Variants in PLPP1 observed in about 807,000 individuals in gnomAD.
PLPP1 encodes phospholipid phosphatase 1.
PLPP1 carries 24 observed loss-of-function variants against 31.2 expected under a neutral mutation model. The observed-to-expected ratio is 0.77, with a 90% confidence interval of 0.56 to 1.08. The LOEUF is 1.08. PLPP1 is among the 50% of genes least tolerant of loss of function. PLPP1 has a pLI of 0.00. For synonymous variants in PLPP1, 146 were observed against 126.3 expected, an observed-to-expected ratio of 1.16 and a Z score of -1.05; for missense variants, 319 against 342.7, an observed-to-expected ratio of 0.93 and a Z score of 0.55.
intron 1 of PLPP1, among the ~76,000 whole-genome samples, chr5:55,511,279 T>C (rs1561252487): frequency 6.6e-6 from 1 of 152,170 alleles, no homozygotes; most frequent in Admixed American, 6.5e-5. Context: ...AACCCAAGGT[T>C]TGCCAAAGTT....
At chr5:55,500,068 T>C (rs1203398282) in intron 1 of PLPP1, among the ~76,000 whole-genome samples, 1 of 137,008 alleles carries the variant, frequency 7.3e-6, no homozygotes, top group Non-Finnish European at 1.5e-5. Context: ...TAATTTGATT[T>C]CTCTAAAAAT....
chr5:55,467,958 A>G lies in PLPP1; in HGVS notation c.402T>C (p.Cys134=). The G allele has an allele frequency of 6.2e-7, 1 of 1,614,206 alleles. No homozygotes were observed. Among genetic ancestry groups the G allele is most frequent in the Non-Finnish European group, 8.5e-7 (1 of 1,180,014 alleles). Residue 134 remains cysteine, a synonymous_variant, in exon 3 of 6, where the codon TGT becomes TGC. Coordinates refer to ENST00000307259, the MANE Select transcript of PLPP1 (RefSeq NM_003711.4). ...GRLRPHFLDV[C]DPDWSKINCS... is the part of the protein sequence containing the mutation. ...AGTTGATTTTTGACCAATCTGGATC[A>G]CAAACATCCAAGAAGTGAGGCCGCA...
intron 3 of PLPP1, 90 bp from the exon 4 acceptor site, chr5:55,441,998 G>A (rs768528802): frequency 1.3e-4 from 164 of 1,229,362 alleles, no homozygotes; most frequent in South Asian, 5.9e-4. Context: ...GTTTCAGAGT[G>A]TACACAACTG....
intron 1 of PLPP1, among the ~76,000 whole-genome samples, chr5:55,483,448 G>T (rs1752711147): frequency 6.6e-6 from 1 of 152,194 alleles, no homozygotes; most frequent in Admixed American, 6.5e-5. Flanking sequence ...GAGGTGGGCA[G>T]ATCACATGAG....
At position 55,425,065 on chromosome 5, in the gene PLPP1, A is replaced by G. The variant is rs1211768804; in HGVS notation, c.*141T>C. ...GAGTTAAAGGTAACTATGTACACACAAAGTGTGCATCCAAGAGGCATAGCA... is the reference window on the plus strand; with the variant it reads ...GAGTTAAAGGTAACTATGTACACACGAAGTGTGCATCCAAGAGGCATAGCA... On this transcript the variant is annotated 3_prime_UTR_variant, in exon 6 of 6. Coordinates refer to ENST00000307259, the MANE Select transcript of PLPP1 (RefSeq NM_003711.4). The G allele has an allele frequency of 1.7e-5, 19 of 1,144,940 alleles. No individual in the cohort carries two copies. The highest frequency in any genetic ancestry group is 2.6e-4 in the Middle Eastern group (1 of 3,902). 70.9% of individuals were successfully genotyped at this position (1,144,940 alleles called of 1,614,324 possible).
At chr5:55,475,262 C>A in intron 2 of PLPP1, 37 bp downstream of exon 2, 2 of 1,559,770 alleles carry the variant, frequency 1.3e-6, no homozygotes, top group Non-Finnish European at 8.7e-7. Context: ...GCCAAGTGCC[C>A]AAAAGTTATA....
At chr5:55,504,486 C>T (rs1225762144) in intron 1 of PLPP1, among the ~76,000 whole-genome samples, 2 of 146,904 alleles carry the variant, frequency 1.4e-5, no homozygotes, top group South Asian at 2.2e-4. Context: ...GATTGTGCCA[C>T]TCCACTCCAG....
Position 55,425,068 on chromosome 5 carries a change from G to A in PLPP1, c.*138C>T, listed in dbSNP as rs1751135912. The A allele has an allele frequency of 8.7e-7, 1 of 1,152,826 alleles. No homozygotes were observed. Among genetic ancestry groups the A allele is most frequent in the Non-Finnish European group, 1.2e-6 (1 of 815,456 alleles). 71.4% of individuals were successfully genotyped at this position (1,152,826 alleles called of 1,614,324 possible). A position where few individuals can be genotyped will look rare whatever the true frequency, so the allele number is the denominator to read the frequency against. On this transcript the variant is annotated 3_prime_UTR_variant, in exon 6 of 6. Transcript: ENST00000307259. ...TTAAAGGTAACTATGTACACACAAA[G>A]TGTGCATCCAAGAGGCATAGCAGCA...
chr5:55,493,973 A>C (rs1331146981), intron 1 of PLPP1, among the ~76,000 whole-genome samples: 1 of 152,144 alleles, frequency 6.6e-6, no homozygotes, highest in Admixed American at 6.5e-5. Flanking sequence ...TGAGCCCAAG[A>C]ATTCGAGGCT....
chr5:55,464,167 C>T (rs548006588), intron 3 of PLPP1, among the ~76,000 whole-genome samples: 1 of 151,574 alleles, frequency 6.6e-6, no homozygotes, highest in South Asian at 2.1e-4. Context: ...CACTTCTACT[C>T]CTAGATATTT....
rs1169152710 is a variant in PLPP1, at chr5:55,443,212, T to TATAC, written c.492-1305_492-1304insGTAT. Among the ~76,000 whole-genome samples, 263 of 104,982 alleles carry TATAC rather than the reference T, an allele frequency of 2.5e-3. 2 individuals carry two copies. The highest frequency in any genetic ancestry group is 9.1e-3 in the African/African-American group (236 of 25,988). The allele number at this position is 104,982 out of a possible 152,430, so 68.9% of individuals were successfully genotyped here. A position where few individuals can be genotyped will look rare whatever the true frequency, so the allele number is the denominator to read the frequency against. The stretch of plus-strand genomic sequence containing the variant: ...AAAAAAATATATATATATATATATA[T>TATAC]ACACACACACACACACACACACATA... On this transcript the variant is annotated intron_variant, in intron 3 of 5. Transcript: ENST00000307259.
At chr5:55,512,342 G>T (rs1007857654) in intron 1 of PLPP1, among the ~76,000 whole-genome samples, 1 of 151,354 alleles carries the variant, frequency 6.6e-6, no homozygotes, top group Non-Finnish European at 1.5e-5. Flanking sequence ...GTGGTGGCAG[G>T]TGCCTGTAAT....
chr5:55,442,936 G>A (rs946784348), intron 3 of PLPP1, among the ~76,000 whole-genome samples: 1 of 151,834 alleles, frequency 6.6e-6, no homozygotes, highest in African/African-American at 2.4e-5. Context: ...ACGAAAAGAT[G>A]CTCATGCAAA....
chr5:55,456,194 AT>A (rs977347764), intron 3 of PLPP1, among the ~76,000 whole-genome samples: 12 of 152,196 alleles, frequency 7.9e-5, no homozygotes, highest in Admixed American at 7.2e-4. Flanking sequence ...AAGTCCACTT[AT>A]GCTCTTAGTT....
chr5:55,486,585 C>T (rs1752779871), intron 1 of PLPP1, among the ~76,000 whole-genome samples: 1 of 151,844 alleles, frequency 6.6e-6, no homozygotes, highest in Non-Finnish European at 1.5e-5. Context: ...GACTCCATCT[C>T]AAAAAATACA....
rs1403558689 is a variant in PLPP1, at chr5:55,534,561, C to A, written c.58+11G>T. On this transcript the variant is annotated intron_variant, in intron 1 of 5. Transcript: ENST00000307259. Reference sequence around the variant, plus strand: ...CGCACACGCCCCTCGGACCCGGCGGCGCGTACGTACCCAGCAACACGCAGA... The same window carrying A: ...CGCACACGCCCCTCGGACCCGGCGGAGCGTACGTACCCAGCAACACGCAGA... 6.5e-7 allele frequency: 1 copy of A among 1,532,372 alleles called. No individual in the cohort carries two copies. The highest frequency in any genetic ancestry group is 2.6e-5 in the East Asian group (1 of 38,038). 94.9% of individuals were successfully genotyped at this position (1,532,372 alleles called of 1,614,324 possible).
At chr5:55,447,167 A>T (rs923739481) in intron 3 of PLPP1, among the ~76,000 whole-genome samples, 2 of 152,230 alleles carry the variant, frequency 1.3e-5, no homozygotes, top group African/African-American at 2.4e-5. Flanking sequence ...CTAATCCTCC[A>T]TGTTACCAGA....
chr5:55,493,723 T>G (rs1021521514), intron 1 of PLPP1, among the ~76,000 whole-genome samples: 9 of 151,714 alleles, frequency 5.9e-5, no homozygotes, highest in Admixed American at 5.3e-4. Context: ...CCATCTATAC[T>G]AAAAATACAA....
chr5:55,459,418 T>G (rs954798990), intron 3 of PLPP1, among the ~76,000 whole-genome samples: 1 of 152,142 alleles, frequency 6.6e-6, no homozygotes. Flanking sequence ...ATATATAAGA[T>G]TTGAGTAACA....
Sources: gnomAD v4.1 joint callset for allele counts (sites outside exome capture counted in the v4.1 genomes callset) on GRCh38, gnomAD v4.1.1 for gene constraint, MANE v1.5 for transcripts, NCBI Gene and HGNC (gene_info 2026-07-23, HGNC 2026-07-21) for gene names.